Variants in SGCZ observed in about 807,000 individuals in gnomAD.
SGCZ encodes the protein zeta-sarcoglycan.
Under a neutral mutation model 41.3 loss-of-function variants are expected in SGCZ, and 40 were observed. That is an observed-to-expected ratio of 0.97 (90% CI 0.75 to 1.26). The LOEUF (loss-of-function observed/expected upper bound fraction) is 1.26, where lower values mean the gene tolerates loss of function less well. Ranked by LOEUF, SGCZ falls within the 50% of genes most tolerant of loss-of-function variation. The pLI, the probability that SGCZ is intolerant of heterozygous loss-of-function variation, is 0.00. For synonymous variants in SGCZ, 206 were observed against 137.5 expected (o/e 1.50, Z -3.49); for missense variants, 552 against 369.8 (o/e 1.49, Z -4.04).
At chr8:15,136,428 G>C (rs1808107223) in intron 1 of SGCZ, among the ~76,000 whole-genome samples, 1 of 151,750 alleles carries the variant, frequency 6.6e-6, no homozygotes, top group Non-Finnish European at 1.5e-5. Flanking sequence ...ACTTATTTGA[G>C]TTGACGAAGT....
chr8:14,093,851 A>AT (rs1801762016), intron 7 of SGCZ, among the ~76,000 whole-genome samples: 1 of 152,106 alleles, frequency 6.6e-6, no homozygotes, highest in Non-Finnish European at 1.5e-5. Flanking sequence ...ATTAACAGTT[A>AT]TACTTTTCTC....
At chr8:14,554,276 T>C (rs1364505131) in intron 2 of SGCZ, among the ~76,000 whole-genome samples, 3 of 152,052 alleles carry the variant, frequency 2.0e-5, no homozygotes, top group African/African-American at 4.8e-5. Flanking sequence ...GATTCAGTCA[T>C]GCAGTGTGTT....
chr8:14,285,080 T>G, intron 3 of SGCZ, among the ~76,000 whole-genome samples: 1 of 152,176 alleles, frequency 6.6e-6, no homozygotes, highest in Non-Finnish European at 1.5e-5. Context: ...GGTTGATTTT[T>G]GCCTTTAATA....
intron 1 of SGCZ, among the ~76,000 whole-genome samples, chr8:15,223,097 C>T (rs1174323180): frequency 6.6e-6 from 1 of 151,936 alleles, no homozygotes; most frequent in Non-Finnish European, 1.5e-5. Flanking sequence ...TCTATTTTAC[C>T]AACCCTTAAA....
At chr8:14,607,768 T>C (rs1012909738) in intron 1 of SGCZ, among the ~76,000 whole-genome samples, 6 of 152,200 alleles carry the variant, frequency 3.9e-5, no homozygotes, top group African/African-American at 7.2e-5. Flanking sequence ...TCAGCTCCTC[T>C]GGATAATTAT....
At chr8:14,769,839 G>C (rs546388473) in intron 1 of SGCZ, among the ~76,000 whole-genome samples, 12 of 117,476 alleles carry the variant, frequency 1.0e-4, no homozygotes, top group Admixed American at 9.0e-4. Context: ...TACTTCAATG[G>C]CTCCACTTCT....
chr8:14,114,340 G>A (rs1802459995), intron 5 of SGCZ, among the ~76,000 whole-genome samples: 1 of 151,896 alleles, frequency 6.6e-6, no homozygotes, highest in African/African-American at 2.4e-5. Context: ...ATGATTATCT[G>A]AATGTATTGA....
intron 1 of SGCZ, among the ~76,000 whole-genome samples, chr8:14,868,494 G>C (rs955358817): frequency 4.6e-5 from 7 of 152,028 alleles, no homozygotes; most frequent in Admixed American, 6.6e-5. Flanking sequence ...TATGAATAGA[G>C]AGCTTAGCAC....
At chr8:14,813,013 G>C (rs28539611) in intron 1 of SGCZ, among the ~76,000 whole-genome samples, 1 of 152,030 alleles carries the variant, frequency 6.6e-6, no homozygotes, top group Non-Finnish European at 1.5e-5. Flanking sequence ...AATCTGAAGA[G>C]AGTCTAAAAT....
chr8:14,315,480 G>T lies in SGCZ; in HGVS notation c.336+8623C>A, dbSNP rs73207801. Among the ~76,000 whole-genome samples, 5 of 151,994 alleles carry T rather than the reference G, an allele frequency of 3.3e-5. No homozygotes were observed. In the East Asian group the frequency reaches 5.8e-4, roughly 18 times the overall value. On this transcript the variant is annotated intron_variant, in intron 3 of 7. Transcript: ENST00000382080. ...CAAATGGAAGGTGTGTGTGATGCAA[G>T]GGGATAAGGATAAAAAACAGTCAAA...
chr8:14,657,874 T>C (rs935375358), intron 1 of SGCZ, among the ~76,000 whole-genome samples: 1 of 152,168 alleles, frequency 6.6e-6, no homozygotes, highest in Non-Finnish European at 1.5e-5. Context: ...ATATGTAAAA[T>C]ATTCTTATCC....
At chr8:15,062,912 T>C (rs968927639) in intron 1 of SGCZ, among the ~76,000 whole-genome samples, 6 of 152,228 alleles carry the variant, frequency 3.9e-5, no homozygotes, top group African/African-American at 1.4e-4. Context: ...ATAGTTAAAA[T>C]AGACCTAAGC....
intron 2 of SGCZ, among the ~76,000 whole-genome samples, chr8:14,326,711 T>G (rs1802131100): frequency 6.6e-6 from 1 of 152,186 alleles, no homozygotes; most frequent in African/African-American, 2.4e-5. Context: ...AGAAAATACA[T>G]ACATTTCTGT....
intron 1 of SGCZ, among the ~76,000 whole-genome samples, chr8:14,568,788 G>A (rs1196540845): frequency 1.4e-4 from 21 of 152,158 alleles, no homozygotes; most frequent in Admixed American, 1.2e-3. Flanking sequence ...AATCACCGTA[G>A]TGCCATTTAC....
intron 2 of SGCZ, among the ~76,000 whole-genome samples, chr8:14,485,903 G>A (rs972550312): frequency 7.4e-6 from 1 of 135,514 alleles, no homozygotes; most frequent in African/African-American, 2.7e-5. Context: ...CTGCAGTGGC[G>A]CAATCTCGGC....
intron 1 of SGCZ, among the ~76,000 whole-genome samples, chr8:14,810,612 A>T (rs1331447041): frequency 6.6e-6 from 1 of 152,072 alleles, no homozygotes; most frequent in Non-Finnish European, 1.5e-5. Flanking sequence ...AAACTTAAAC[A>T]ACATCAGTTC....
chr8:14,218,122 C>T (rs955096169), intron 4 of SGCZ, among the ~76,000 whole-genome samples: 14 of 152,104 alleles, frequency 9.2e-5, no homozygotes, highest in African/African-American at 3.1e-4. Context: ...TCCCCCTAGG[C>T]AGTATAATAA....
intron 2 of SGCZ, among the ~76,000 whole-genome samples, chr8:14,413,755 A>AT (rs1273575693): frequency 6.6e-6 from 1 of 152,006 alleles, no homozygotes; most frequent in African/African-American, 2.4e-5. Context: ...CTGTCATCCT[A>AT]TAAAAACACA....
chr8:14,411,051 A>G (rs1799346420), intron 2 of SGCZ, among the ~76,000 whole-genome samples: 1 of 152,190 alleles, frequency 6.6e-6, no homozygotes, highest in African/African-American at 2.4e-5. Flanking sequence ...AAATATTTTA[A>G]AAAGCTAAAG....
Sources: gnomAD v4.1 joint callset for allele counts (sites outside exome capture counted in the v4.1 genomes callset) on GRCh38, gnomAD v4.1.1 for gene constraint, MANE v1.5 for transcripts, NCBI Gene and HGNC (gene_info 2026-07-23, HGNC 2026-07-21) for gene names.